Variants in VPS8 observed in about 807,000 individuals in gnomAD.
The protein encoded by VPS8 is VPS8 subunit of CORVET complex.
Under a neutral mutation model 216.4 loss-of-function variants are expected in VPS8, and 129 were observed. The observed-to-expected ratio is 0.60, with a 90% CI of 0.52 to 0.69. VPS8 has a LOEUF of 0.69. VPS8 is among the 30% of genes least tolerant of loss of function. VPS8 has a pLI of 0.00. For missense variants in VPS8, 1,531 were observed against 1,683.5 expected (o/e 0.91, Z 1.59); for synonymous variants, 571 against 565.4 (o/e 1.01, Z -0.14).
At chr3:185,043,236 A>C (rs758302225) in intron 46 of VPS8, among the ~76,000 whole-genome samples, 1 of 152,212 alleles carries the variant, frequency 6.6e-6, no homozygotes, top group Non-Finnish European at 1.5e-5. Flanking sequence ...GTCTCTTACA[A>C]GCTGTATTTT....
intron 1 of VPS8, chr3:184,812,852 A>T (rs1715451123): frequency 6.6e-6 from 1 of 152,192 alleles, no homozygotes; most frequent in African/African-American, 2.4e-5. Context: ...CCAGGGACTG[A>T]TATCAAGGTG....
rs755865963 is a variant in VPS8, at chr3:184,926,582, T to C, written c.2575-12T>C. On this transcript the variant is annotated splice_polypyrimidine_tract_variant and intron_variant, in intron 30 of 47. Coordinates refer to ENST00000625842, the MANE Select transcript of VPS8 (RefSeq NM_001009921.3). ...GCTGATATCAAATAAAAAATACTTT[T>C]TCTTCGGCCAGGTCCTTGAATTCCT... The C allele has an allele frequency of 8.8e-6, 14 of 1,582,862 alleles. No individual in the cohort carries two copies. The Admixed American group carries it at 9.0e-5, about 10-fold the overall frequency.
At chr3:184,885,202 A>G (rs1730985659) in intron 21 of VPS8, among the ~76,000 whole-genome samples, 1 of 152,154 alleles carries the variant, frequency 6.6e-6, no homozygotes, top group African/African-American at 2.4e-5. Context: ...GACAGGTGTT[A>G]GTATGTGGAG....
chr3:184,836,199 A>C (rs1441665609), intron 5 of VPS8: 1 of 451,442 alleles, frequency 2.2e-6, no homozygotes, highest in African/African-American at 2.0e-5. Flanking sequence ...AAATAGAGAG[A>C]TGCTCAAGCA....
intron 21 of VPS8, among the ~76,000 whole-genome samples, chr3:184,873,795 A>G (rs1728769192): frequency 6.6e-6 from 1 of 152,336 alleles, no homozygotes; most frequent in African/African-American, 2.4e-5. Flanking sequence ...AAGACCCAGT[A>G]GAATTATAAC....
At chr3:185,040,157 A>G (rs1189382046) in intron 46 of VPS8, among the ~76,000 whole-genome samples, 1 of 152,102 alleles carries the variant, frequency 6.6e-6, no homozygotes, top group East Asian at 1.9e-4. Context: ...CCATAGCACA[A>G]ACACCTCCAT....
At chr3:184,848,740 T>C (rs1723663990) in intron 8 of VPS8, among the ~76,000 whole-genome samples, 11 of 152,096 alleles carry the variant, frequency 7.2e-5, no homozygotes, top group Admixed American at 7.2e-4. Flanking sequence ...AGCTAATTTT[T>C]GTATTTTTAG....
intron 45 of VPS8, among the ~76,000 whole-genome samples, chr3:185,022,338 A>C (rs554703121): frequency 4.6e-4 from 70 of 152,140 alleles, no homozygotes; most frequent in Non-Finnish European, 8.7e-4. Flanking sequence ...GAATGGACTA[A>C]CCCCTGTAAA....
At position 184,854,190 on chromosome 3, in the gene VPS8, A is replaced by C. The variant is rs189538985; in HGVS notation, c.1035+17A>C. On this transcript the variant is annotated intron_variant, in intron 13 of 47. Transcript: ENST00000625842. ...TATGGCCGGGTGAGTACGTCCCTCC[A>C]TCTTATTTGCCAAAGGAAGGACCAT... is the stretch of plus-strand genomic sequence containing the variant. 6.2e-7 allele frequency: 1 copy of C among 1,613,270 alleles called. No individual in the cohort carries two copies. The highest frequency in any genetic ancestry group is 8.5e-7 in the Non-Finnish European group (1 of 1,179,448).
At position 184,824,592 on chromosome 3, in the gene VPS8, C is replaced by T. The variant is rs762628432; in HGVS notation, c.-41C>T. The T allele has an allele frequency of 1.9e-6, 3 of 1,573,708 alleles. No homozygotes were observed. Among genetic ancestry groups the T allele is most frequent in the Non-Finnish European group, 2.6e-6 (3 of 1,157,718 alleles). On this transcript the variant is annotated 5_prime_UTR_variant, in exon 2 of 48. Transcript: ENST00000625842. ...GAGCTAAGGCCAAACAAACAAAAAA[C>T]ACTTGCTTTGATGGACTGAATACTG...
chr3:184,815,417 T>A (rs7618136), intron 1 of VPS8, among the ~76,000 whole-genome samples: 3,607 of 152,294 alleles, frequency 0.024, 129 homozygotes, highest in African/African-American at 0.082. Flanking sequence ...GGCATTTTTC[T>A]GCTCCATTAT....
intron 36 of VPS8, among the ~76,000 whole-genome samples, chr3:184,954,470 G>GGA (rs1745240551): frequency 6.6e-6 from 1 of 152,146 alleles, no homozygotes; most frequent in Non-Finnish European, 1.5e-5. Context: ...CTTATCCTGA[G>GGA]GCTGGCCAGG....
At chr3:184,942,936 A>G (rs1332846992) in intron 36 of VPS8, among the ~76,000 whole-genome samples, 2 of 152,144 alleles carry the variant, frequency 1.3e-5, no homozygotes, top group Non-Finnish European at 2.9e-5. Flanking sequence ...CGAGGGAGTA[A>G]AGAAAAAAGA....
rs1725964931 is a variant in VPS8, at chr3:184,859,978, T to A, written c.1144-7T>A. On this transcript the variant is annotated splice_region_variant and splice_polypyrimidine_tract_variant and intron_variant, in intron 14 of 47. Coordinates refer to ENST00000625842, the MANE Select transcript of VPS8 (RefSeq NM_001009921.3). ...TGGTTTTTAGGTTGTTTTTATTTCA[T>A]CATCAGGTAAAGAGAGATGAATCTG... The A allele has an allele frequency of 1.2e-6, 2 of 1,609,962 alleles. No individual in the cohort carries two copies. Among genetic ancestry groups the A allele is most frequent in the East Asian group, 4.5e-5 (2 of 44,780 alleles).
intron 9 of VPS8, 187 bp from the exon 10 acceptor site, chr3:184,849,749 T>C (rs968953559): frequency 1.7e-6 from 1 of 576,160 alleles, no homozygotes; most frequent in Non-Finnish European, 3.1e-6. Flanking sequence ...GGATGAAGGG[T>C]AAATGAAGAT....
chr3:184,836,111 TAAC>T (rs1031777715), intron 5 of VPS8: 14 of 360,928 alleles, frequency 3.9e-5, no homozygotes, highest in South Asian at 1.3e-4. Flanking sequence ...TTAGTGCAAA[TAAC>T]AACAACAACA....
intron 18 of VPS8, among the ~76,000 whole-genome samples, chr3:184,868,688 A>G (rs1012944582): frequency 1.3e-5 from 2 of 152,194 alleles, no homozygotes; most frequent in Non-Finnish European, 2.9e-5. Context: ...ACAACTAGCC[A>G]TTTCTGCTAC....
chr3:184,964,753 T>TAA (rs1002889391), intron 38 of VPS8, among the ~76,000 whole-genome samples, 196 bp downstream of exon 38: 1 of 151,970 alleles, frequency 6.6e-6, no homozygotes, highest in Non-Finnish European at 1.5e-5. Context: ...TGTACAACAG[T>TAA]AAAAAAAAGT....
chr3:185,020,149 T>TA (rs137958323), intron 45 of VPS8, among the ~76,000 whole-genome samples: 3,255 of 152,342 alleles, frequency 0.021, 39 homozygotes, highest in Non-Finnish European at 0.035. Context: ...TACAACATCT[T>TA]AAAAAATAAT....
Sources: gnomAD v4.1 joint callset for allele counts (sites outside exome capture counted in the v4.1 genomes callset) on GRCh38, gnomAD v4.1.1 for gene constraint, MANE v1.5 for transcripts, NCBI Gene and HGNC (gene_info 2026-07-23, HGNC 2026-07-21) for gene names.